Variants in LAMB4 observed in about 807,000 individuals in gnomAD.
LAMB4 encodes the protein laminin subunit beta 4, also known as laminin subunit beta-4.
Under a neutral mutation model 199.2 loss-of-function variants are expected in LAMB4, and 196 were observed. The ratio of observed to expected loss-of-function variants is 0.98; its 90% CI spans 0.88 to 1.11. The LOEUF (loss-of-function observed/expected upper bound fraction) is 1.11, where lower values mean the gene tolerates loss of function less well. Ranked by LOEUF, LAMB4 falls within the 50% of genes least tolerant of loss-of-function variation. LAMB4 has a pLI of 0.00. For missense variants in LAMB4, 2,080 were observed against 2,171.2 expected (o/e 0.96, Z 0.83); for synonymous variants, 744 against 770.6 (o/e 0.97, Z 0.57).
intron 3 of LAMB4, among the ~76,000 whole-genome samples, chr7:108,115,751 A>T (rs374151869): frequency 2.6e-5 from 4 of 152,220 alleles, no homozygotes; most frequent in Admixed American, 1.3e-4. Context: ...AGTACATGGG[A>T]GGATATAGGT....
At chr7:108,094,941 T>C (rs1339542327) in intron 12 of LAMB4, among the ~76,000 whole-genome samples, 1 of 152,142 alleles carries the variant, frequency 6.6e-6, no homozygotes, top group East Asian at 1.9e-4. Flanking sequence ...ATTCTACTGC[T>C]TGGCATTTTC....
intron 29 of LAMB4, among the ~76,000 whole-genome samples, chr7:108,042,489 T>C (rs1007774782): frequency 1.3e-5 from 2 of 152,082 alleles, no homozygotes; most frequent in East Asian, 3.9e-4. Context: ...TTTTGATGTT[T>C]GTTTTGGTGC....
intron 28 of LAMB4, among the ~76,000 whole-genome samples, chr7:108,046,040 T>C (rs2035608387): frequency 6.6e-6 from 1 of 151,938 alleles, no homozygotes; most frequent in Admixed American, 6.6e-5. Context: ...TTACATATAT[T>C]TCCTTCTTGT....
intron 23 of LAMB4, among the ~76,000 whole-genome samples, chr7:108,061,741 A>G (rs58450382): frequency 2.0e-5 from 2 of 100,168 alleles, no homozygotes; most frequent in African/African-American, 2.1e-4. Flanking sequence ...TCTTGTCTCA[A>G]AAAAAAAAAA....
At chr7:108,027,848 T>A (rs567828436) in intron 33 of LAMB4, among the ~76,000 whole-genome samples, 1 of 152,324 alleles carries the variant, frequency 6.6e-6, no homozygotes, top group East Asian at 1.9e-4. Flanking sequence ...AGTGGCGTGA[T>A]CTTGGCTCAC....
At chr7:108,028,958 G>A in intron 33 of LAMB4, 85 bp downstream of exon 33, 1 of 1,301,946 alleles carries the variant, frequency 7.7e-7, no homozygotes, top group Non-Finnish European at 1.1e-6. Context: ...AAAACTGTAA[G>A]CTGACATTGG....
intron 29 of LAMB4, among the ~76,000 whole-genome samples, chr7:108,038,383 G>C (rs538569543): frequency 1.4e-4 from 22 of 152,170 alleles, no homozygotes; most frequent in African/African-American, 5.3e-4. Flanking sequence ...GGATGGTCTC[G>C]ATCTCCTGAC....
chr7:108,041,852 G>C (rs541601412), intron 29 of LAMB4, among the ~76,000 whole-genome samples: 1 of 151,998 alleles, frequency 6.6e-6, no homozygotes, highest in Non-Finnish European at 1.5e-5. Context: ...TGTGACTCGA[G>C]TTTACAAACC....
chr7:108,103,123 C>T lies in LAMB4; in HGVS notation c.1101G>A (p.Glu367=). 6.2e-7 allele frequency: 1 copy of T among 1,613,810 alleles called. No individual in the cohort carries two copies. Among genetic ancestry groups the T allele is most frequent in the Non-Finnish European group, 8.5e-7 (1 of 1,179,890 alleles). ...GTCTGCAGCGGTCGCAGTGCTGCCC[C>T]TCAGTGTTGTGCTGGCAGTCTTCAC... ...GVCEDCQHNT[E]GQHCDRCRPL... Residue 367 remains glutamate (E), a synonymous_variant, in exon 10 of 34, where the codon GAG becomes GAA. Coordinates refer to ENST00000388781, the MANE Select transcript of LAMB4 (RefSeq NM_007356.3).
intron 18 of LAMB4, among the ~76,000 whole-genome samples, chr7:108,069,453 T>C (rs1270289548): frequency 6.6e-6 from 1 of 152,246 alleles, no homozygotes; most frequent in Non-Finnish European, 1.5e-5. Context: ...AGCCCTAGAA[T>C]TCCAAATGAA....
chr7:108,030,724 G>T, intron 32 of LAMB4, 82 bp downstream of exon 32: 1 of 1,322,192 alleles, frequency 7.6e-7, no homozygotes, highest in Non-Finnish European at 1.1e-6. Context: ...ATGAGAAATG[G>T]CACAAAAATC....
chr7:108,050,088 G>C (rs2035779789), intron 26 of LAMB4, among the ~76,000 whole-genome samples: 1 of 152,166 alleles, frequency 6.6e-6, no homozygotes, highest in Non-Finnish European at 1.5e-5. Context: ...TGCCATTGTA[G>C]AGTGAAAGCA....
At chr7:108,082,356 C>A (rs563203933) in intron 14 of LAMB4, among the ~76,000 whole-genome samples, 3 of 148,504 alleles carry the variant, frequency 2.0e-5, no homozygotes, top group Non-Finnish European at 4.5e-5. Context: ...AAAAAAGAGT[C>A]GCAGAACTTC....
At chr7:108,086,174 C>T (rs938661224) in intron 14 of LAMB4, among the ~76,000 whole-genome samples, 6 of 152,170 alleles carry the variant, frequency 3.9e-5, no homozygotes, top group Non-Finnish European at 7.3e-5. Flanking sequence ...GATGCAGGAA[C>T]GCAACAGGCC....
Position 108,111,928 on chromosome 7 carries a change from T to A in LAMB4, c.211A>T (p.Ile71Phe). The change falls in exon 4 of 34, where the codon ATC becomes TTC. Residue 71 changes from isoleucine to phenylalanine, a missense_variant. By Grantham distance (21) the Ile-to-Phe change is conservative (BLOSUM62 0). Transcript: ENST00000388781. The stretch of plus-strand genomic sequence containing the variant: ...TCATATGGAAATCTAGAGTCACAGA[T>A]GAAGCATTTTTGTTCCCCCTGGAAA... ...SYLEGEQKCFICDSRFPYDPY... is the reference protein window; with the variant it reads ...SYLEGEQKCFFCDSRFPYDPY... 6.2e-7 allele frequency: 1 copy of A among 1,606,074 alleles called. No homozygotes were observed. The highest frequency in any genetic ancestry group is 8.5e-7 in the Non-Finnish European group (1 of 1,177,392).
intron 33 of LAMB4, among the ~76,000 whole-genome samples, chr7:108,025,107 T>G (rs948255142): frequency 2.0e-5 from 3 of 152,210 alleles, no homozygotes; most frequent in Non-Finnish European, 4.4e-5. Flanking sequence ...TAAACAAACA[T>G]TGAATTAACT....
At chr7:108,106,391 C>A in intron 7 of LAMB4, 118 bp downstream of exon 7, 1 of 672,800 alleles carries the variant, frequency 1.5e-6, no homozygotes, top group South Asian at 2.0e-5. Context: ...GCACTCCAGC[C>A]TGGATGACAG....
At position 108,111,888 on chromosome 7, in the gene LAMB4, G is replaced by T. The variant is rs775900928; in HGVS notation, c.251C>A (p.Pro84His). ...SRFPYDPYDQ[P>H]NSHTIENVIV... is the part of the protein sequence containing the mutation. ...GACATTCTCAATGGTGTGGCTGTTG[G>T]GTTGGTCATACGGATCATATGGAAA... is the stretch of plus-strand genomic sequence containing the variant. Residue 84 changes from proline (P) to histidine (H), a missense_variant, in exon 4 of 34, where the codon CCC (proline) becomes CAC (histidine). Coordinates refer to ENST00000388781, the MANE Select transcript of LAMB4 (RefSeq NM_007356.3). 3 of 1,612,134 alleles carry T rather than the reference G, an allele frequency of 1.9e-6. No individual in the cohort carries two copies. The East Asian group carries it at 6.7e-5, about 36-fold the overall frequency.
At chr7:108,055,012 G>GA (rs1238696291) in intron 25 of LAMB4, among the ~76,000 whole-genome samples, 1 of 151,930 alleles carries the variant, frequency 6.6e-6, no homozygotes, top group Non-Finnish European at 1.5e-5. Flanking sequence ...GTGTATCATT[G>GA]AAAAAAATAT....
Sources: allele counts gnomAD v4.1 joint callset (sites outside exome capture counted in the v4.1 genomes callset), GRCh38; gene constraint gnomAD v4.1.1; transcripts MANE v1.5; gene names NCBI Gene and HGNC (gene_info 2026-07-23, HGNC 2026-07-21).